Variants in COL16A1 observed in about 807,000 individuals in gnomAD.
COL16A1 encodes collagen type XVI alpha 1 chain.
COL16A1 carries 189 observed loss-of-function variants against 266.3 expected under a neutral mutation model. The ratio of observed to expected loss-of-function variants is 0.71; its 90% CI spans 0.63 to 0.80. COL16A1 has a LOEUF of 0.80. Among genes scored for constraint, COL16A1 ranks in the 30% least tolerant of loss-of-function variants. COL16A1 has a pLI of 0.00. For missense variants in COL16A1, 1,928 were observed against 2,122.4 expected (o/e 0.91, Z 1.80); for synonymous variants, 740 against 782.3 (o/e 0.95, Z 0.90).
In COL16A1 at chr1:31,657,230, A is replaced by G; in HGVS notation, c.4021-162T>C. ...ATCTGGGCACAGGCCGTGGAAACTTAGACCCCCACCCCATACTCCAGCGTG... is the reference window on the plus strand; with the variant it reads ...ATCTGGGCACAGGCCGTGGAAACTTGGACCCCCACCCCATACTCCAGCGTG... On this transcript the variant is annotated intron_variant, in intron 64 of 70. Coordinates refer to ENST00000373672, the MANE Select transcript of COL16A1 (RefSeq NM_001856.4). The surrounding 1 kb of genome is among the most constrained non-coding windows in gnomAD (Gnocchi z 6.4). The G allele has an allele frequency of 1.3e-6, 1 of 799,178 alleles. No homozygotes were observed. Among genetic ancestry groups the G allele is most frequent in the South Asian group, 1.6e-5 (1 of 63,496 alleles). 49.5% of individuals were successfully genotyped at this position (799,178 alleles called of 1,614,324 possible). A position where few individuals can be genotyped will look rare whatever the true frequency, so the allele number is the denominator to read the frequency against.
At chr1:31,665,719 G>C (rs1185544579) in intron 54 of COL16A1, 101 bp from the exon 55 acceptor site, 1 of 1,591,548 alleles carries the variant, frequency 6.3e-7, no homozygotes, top group African/African-American at 1.3e-5. Flanking sequence ...CAAACCCATG[G>C]GCTTTGCCCT....
In COL16A1 at chr1:31,652,618, C is replaced by T. The variant is rs764202561; in HGVS notation, c.*33G>A. 18 of 1,528,094 alleles carry T rather than the reference C, an allele frequency of 1.2e-5. No homozygotes were observed. Among genetic ancestry groups the T allele is most frequent in the East Asian group, 7.0e-5 (3 of 43,032 alleles). 94.7% of individuals were successfully genotyped at this position (1,528,094 alleles called of 1,614,324 possible). A position where few individuals can be genotyped will look rare whatever the true frequency, so the allele number is the denominator to read the frequency against. On this transcript the variant is annotated 3_prime_UTR_variant, in exon 71 of 71. Coordinates refer to ENST00000373672, the MANE Select transcript of COL16A1 (RefSeq NM_001856.4). The surrounding 1 kb of genome is among the most constrained non-coding windows in gnomAD (Gnocchi z 4.8). Reference sequence around the variant, plus strand: ...ATAAGCTTTGGCCATTTATTCCCAACGGAGTCTTTCATCCAAAGGCAGGTG... The same window carrying T: ...ATAAGCTTTGGCCATTTATTCCCAATGGAGTCTTTCATCCAAAGGCAGGTG...
At chr1:31,654,157 C>T in intron 68 of COL16A1, 114 bp from the exon 69 acceptor site, 2 of 1,431,964 alleles carry the variant, frequency 1.4e-6, no homozygotes, top group Non-Finnish European at 1.9e-6. Context: ...CCTTCCTTCA[C>T]AGGGATGTCA....
chr1:31,683,126 C>T, intron 36 of COL16A1, 68 bp downstream of exon 36: 5 of 1,611,394 alleles, frequency 3.1e-6, no homozygotes, highest in Non-Finnish European at 4.2e-6. Flanking sequence ...GCCCCCATGT[C>T]CCCTGTGCCT....
In COL16A1 at chr1:31,655,322, C is replaced by T. The variant is rs1171389355; in HGVS notation, c.4282G>A (p.Gly1428Ser). 2 of 1,613,166 alleles carry T rather than the reference C, an allele frequency of 1.2e-6. No homozygotes were observed. Among genetic ancestry groups the T allele is most frequent in the Admixed American group, 1.7e-5 (1 of 59,950 alleles). The stretch of plus-strand genomic sequence containing the variant: ...CCAGCCTTCCCCCTTACCATGGAGC[C>T]AGGCACACCAGGCAAGCCAGGGCTC... ...SGSPGLPGVP[G>S]SMGDMVNYDE... The change falls in exon 67 of 71, where the codon GGC becomes AGC. Residue 1428 changes from glycine to serine, a missense_variant. Gly to Ser is a moderately conservative substitution (Grantham distance 56). Transcript: ENST00000373672.
rs1642811445 is a variant in COL16A1, at chr1:31,672,515, G to A, written c.3019-13C>T. On this transcript the variant is annotated splice_polypyrimidine_tract_variant and intron_variant, in intron 46 of 70. Transcript: ENST00000373672. ...CACTGTTGTCACCCTGGAGAAGGAT[G>A]GAGACGGTGATAGTGAGCAGTCAGG... The A allele has an allele frequency of 6.2e-6, 10 of 1,614,032 alleles. No homozygotes were observed. Among genetic ancestry groups the A allele is most frequent in the Non-Finnish European group, 7.6e-6 (9 of 1,180,000 alleles).
intron 8 of COL16A1, among the ~76,000 whole-genome samples, chr1:31,696,420 C>T (rs564216011): frequency 4.8e-4 from 72 of 151,454 alleles, no homozygotes; most frequent in African/African-American, 1.5e-3. Context: ...GATGCCCGAG[C>T]GGGCAGGGAG....
At chr1:31,702,709 G>C (rs1427785150) in intron 1 of COL16A1, among the ~76,000 whole-genome samples, 1 of 152,194 alleles carries the variant, frequency 6.6e-6, no homozygotes, top group Non-Finnish European at 1.5e-5. Flanking sequence ...GCTCAGCCCA[G>C]GAAGCCCTCC....
intron 44 of COL16A1, among the ~76,000 whole-genome samples, chr1:31,674,621 C>T (rs934233381): frequency 1.3e-5 from 2 of 152,354 alleles, no homozygotes; most frequent in African/African-American, 4.8e-5. Context: ...CCAGGCCACA[C>T]CCAATCTCAC....
rs1452530018 is a variant in COL16A1 at position 31,697,960 on chromosome 1, C to A, written c.603G>T (p.Arg201Ser). The change falls in exon 6 of 71, where the codon AGG becomes AGT. Residue 201 changes from arginine (R) to serine (S), a missense_variant. Arg to Ser is a moderately radical substitution (Grantham distance 110). Transcript: ENST00000373672. This position sits in a 1 kb window ranked among gnomAD's most constrained non-coding sequence, Gnocchi z 4.2. ...SQPLGPRRPM[R>S]PVGHVFLGLD... ...AGCCTAGAAATACATGGCCCACAGG[C>A]CTCATGGGTCGTCGGGGCCCCAGAG... is the stretch of plus-strand genomic sequence containing the variant. 1.2e-5 allele frequency: 19 copies of A among 1,613,330 alleles called. No homozygotes were observed. The highest frequency in any genetic ancestry group is 1.6e-5 in the Non-Finnish European group (19 of 1,180,020).
chr1:31,654,672 T>A, intron 68 of COL16A1, 120 bp downstream of exon 68: 1 of 1,565,700 alleles, frequency 6.4e-7, no homozygotes, highest in Non-Finnish European at 8.7e-7. Context: ...GGCCTGTGAG[T>A]GTGTGGAGGG....
rs745473173 is a variant in COL16A1 at position 31,685,803 on chromosome 1, C to G, written c.1885-33G>C. The stretch of plus-strand genomic sequence containing the variant: ...GCAAGGACATTGAGTTAGGGGGTCC[C>G]CCAGGCCCTAGTGCACTTGAGCGAG... On this transcript the variant is annotated intron_variant, in intron 28 of 70. Transcript: ENST00000373672. The surrounding 1 kb of genome is among the most constrained non-coding windows in gnomAD (Gnocchi z 4.0). The G allele has an allele frequency of 1.9e-6, 3 of 1,610,370 alleles. No homozygotes were observed. Among genetic ancestry groups the G allele is most frequent in the Non-Finnish European group, 2.5e-6 (3 of 1,177,502 alleles).
intron 13 of COL16A1, 127 bp downstream of exon 13, chr1:31,692,965 C>T (rs1405385916): frequency 2.1e-6 from 2 of 947,210 alleles, no homozygotes; most frequent in African/African-American, 3.3e-5. Flanking sequence ...TGGCCCTCAC[C>T]CCCCTCCCGT....
chr1:31,692,106 G>C, intron 16 of COL16A1, 39 bp from the exon 17 acceptor site: 1 of 1,612,928 alleles, frequency 6.2e-7, no homozygotes, highest in Non-Finnish European at 8.5e-7. Flanking sequence ...GATGAGGGAA[G>C]GGCCTGGGAC....
In COL16A1 at chr1:31,694,006, C is replaced by T. The variant is rs77268985; in HGVS notation, c.1008+138G>A. 3.8e-3 allele frequency: 2,788 copies of T among 728,916 alleles called. 59 individuals carry two copies. The East Asian group carries it at 0.041, about 11-fold the overall frequency. 45.2% of individuals were successfully genotyped at this position (728,916 alleles called of 1,614,324 possible). A position where few individuals can be genotyped will look rare whatever the true frequency, so the allele number is the denominator to read the frequency against. On this transcript the variant is annotated intron_variant, in intron 12 of 70. Coordinates refer to ENST00000373672, the MANE Select transcript of COL16A1 (RefSeq NM_001856.4). Reference sequence around the variant, plus strand: ...ACACAAACCCCTGCTTTCTTTACCACGCATACACTTAATCACCCTACACAC... The same window carrying T: ...ACACAAACCCCTGCTTTCTTTACCATGCATACACTTAATCACCCTACACAC...
chr1:31,679,971 A>T (rs1643497563), intron 40 of COL16A1, 71 bp downstream of exon 40: 1 of 1,596,082 alleles, frequency 6.3e-7, no homozygotes, highest in East Asian at 2.3e-5. Flanking sequence ...GCCTTTGCAC[A>T]CTGGGCACCA....
intron 55 of COL16A1, 159 bp downstream of exon 55, chr1:31,665,424 G>T: frequency 6.9e-7 from 1 of 1,457,488 alleles, no homozygotes; most frequent in Non-Finnish European, 9.3e-7. Context: ...GGCTCTCCAG[G>T]TCCTGGTTCC....
At chr1:31,659,025 A>C in intron 62 of COL16A1, 61 bp from the exon 63 acceptor site, 2 of 1,404,022 alleles carry the variant, frequency 1.4e-6, no homozygotes, top group Non-Finnish European at 2.0e-6. Context: ...CCTGGGAGGC[A>C]CAGGGCCTGA....
At position 31,658,550 on chromosome 1, in the gene COL16A1, C is replaced by T. The variant is rs767735286; in HGVS notation, c.3958G>A (p.Gly1320Arg). ...VGLKGDRGATGERGLAGLPGQ... is the reference protein window; with the variant it reads ...VGLKGDRGATRERGLAGLPGQ... ...GGGAGGCCTGCAAGGCCCCTTTCTC[C>T]GGTGGCTCCTCGGTCTCCTTTCAGA... is the stretch of plus-strand genomic sequence containing the variant. The change falls in exon 64 of 71, where the codon GGA becomes AGA. Residue 1320 changes from glycine (G) to arginine (R), a missense_variant. This residue lies in a region of COL16A1 where 376 missense variants were observed against 485.2 expected (regional missense o/e 0.77). Transcript: ENST00000373672. The T allele has an allele frequency of 3.1e-6, 5 of 1,604,688 alleles. No individual in the cohort carries two copies. Among genetic ancestry groups the T allele is most frequent in the East Asian group, 2.2e-5 (1 of 44,536 alleles).
Sources: allele counts gnomAD v4.1 joint callset (sites outside exome capture counted in the v4.1 genomes callset), GRCh38; gene constraint gnomAD v4.1.1; regional missense constraint gnomAD v4.1.1; non-coding constraint Gnocchi (gnomAD v3.1); transcripts MANE v1.5; gene names NCBI Gene and HGNC (gene_info 2026-07-23, HGNC 2026-07-21).